SH2D1B: variants seen among roughly 807,000 people sequenced by gnomAD.
SH2D1B encodes SH2 domain containing 1B, also known as SH2 domain-containing protein 1B.
A neutral mutation model predicts 16.3 loss-of-function variants in SH2D1B; 11 were observed. The ratio of observed to expected loss-of-function variants is 0.67; its 90% CI spans 0.42 to 1.11. The LOEUF (loss-of-function observed/expected upper bound fraction) is 1.11. Ranked by LOEUF, SH2D1B falls within the 50% of genes most tolerant of loss-of-function variation. SH2D1B has a pLI of 0.00. For synonymous variants in SH2D1B, 55 were observed against 56.1 expected (o/e 0.98, Z 0.09); for missense variants, 123 against 153.1 (o/e 0.80, Z 1.04).
chr1:162,407,905 A>G (rs749013878), intron 1 of SH2D1B, among the ~76,000 whole-genome samples: 4 of 152,248 alleles, frequency 2.6e-5, no homozygotes, highest in Admixed American at 6.5e-5. Flanking sequence ...ATGGAACATA[A>G]TAAGTGCTCA....
chr1:162,402,900 T>A, intron 1 of SH2D1B, 98 bp from the exon 2 acceptor site: 1 of 985,874 alleles, frequency 1.0e-6, no homozygotes, highest in South Asian at 1.4e-5. Context: ...TAATCTACAA[T>A]CCTAAAAAAA....
At chr1:162,409,247 G>A (rs1047374037) in intron 1 of SH2D1B, among the ~76,000 whole-genome samples, 6 of 151,650 alleles carry the variant, frequency 4.0e-5, no homozygotes, top group African/African-American at 1.2e-4. Context: ...GCTCTTCACC[G>A]TCTCCCGTCC....
chr1:162,407,627 G>A (rs1057379513), intron 1 of SH2D1B, among the ~76,000 whole-genome samples: 2 of 152,222 alleles, frequency 1.3e-5, no homozygotes, highest in Non-Finnish European at 2.9e-5. Context: ...TTCTGTGTCA[G>A]TGAAGACAAG....
At position 162,405,106 on chromosome 1, in the gene SH2D1B, G is replaced by A. The variant is rs573819711; in HGVS notation, c.135-2304C>T. On this transcript the variant is annotated intron_variant, in intron 1 of 3. Transcript: ENST00000367929. ...CAATGCAAAAAAATGAACTATTGCT[G>A]CATGCAACCACATAGATGGATCTCA... Among the ~76,000 whole-genome samples the A allele has an allele frequency of 3.3e-5, 5 of 152,298 alleles. No homozygotes were observed. The Middle Eastern group carries it at 0.01, about 311-fold the overall frequency.
chr1:162,400,704 T>C (rs977580344), intron 2 of SH2D1B, among the ~76,000 whole-genome samples: 3 of 151,906 alleles, frequency 2.0e-5, no homozygotes, highest in African/African-American at 7.2e-5. Flanking sequence ...TCCCAGCCCT[T>C]TGGGAGGCCA....
chr1:162,409,693 C>G (rs1010211701), intron 1 of SH2D1B, among the ~76,000 whole-genome samples: 1 of 152,164 alleles, frequency 6.6e-6, no homozygotes, highest in Non-Finnish European at 1.5e-5. Flanking sequence ...ATTCTCATGC[C>G]TCAGCCTCCC....
chr1:162,397,147 C>T lies in SH2D1B; in HGVS notation c.*133G>A, dbSNP rs969634332. 1 of 937,420 alleles carries T rather than the reference C, an allele frequency of 1.1e-6. No homozygotes were observed. The highest frequency in any genetic ancestry group is 2.5e-5 in the East Asian group (1 of 39,624). 58.1% of individuals were successfully genotyped at this position (937,420 alleles called of 1,614,324 possible). On this transcript the variant is annotated 3_prime_UTR_variant, in exon 4 of 4. Coordinates refer to ENST00000367929, the MANE Select transcript of SH2D1B (RefSeq NM_053282.5). Reference sequence around the variant, plus strand: ...CCTCTGGTGCTGGTGGGCAGAACATCTTCAGTTACACAACCAGGAGAGTCT... The same window carrying T: ...CCTCTGGTGCTGGTGGGCAGAACATTTTCAGTTACACAACCAGGAGAGTCT...
rs1648801698 is a variant in SH2D1B, at chr1:162,411,875, C to T, written c.134+8G>A. 6.8e-6 allele frequency: 11 copies of T among 1,613,918 alleles called. No homozygotes were observed. The highest frequency in any genetic ancestry group is 9.3e-6 in the Non-Finnish European group (11 of 1,180,016). ...GATGTCAGATGTGTGCAAGATGAGG[C>T]TACTCACGAGACACAGAGGCACAGG... On this transcript the variant is annotated splice_region_variant and intron_variant, in intron 1 of 3. Transcript: ENST00000367929.
At chr1:162,406,282 C>G (rs1352940359) in intron 1 of SH2D1B, among the ~76,000 whole-genome samples, 2 of 152,168 alleles carry the variant, frequency 1.3e-5, no homozygotes, top group Non-Finnish European at 2.9e-5. Flanking sequence ...CCAAATTACA[C>G]TGAGTCCACT....
intron 2 of SH2D1B, among the ~76,000 whole-genome samples, chr1:162,400,229 C>T (rs537128244): frequency 4.0e-4 from 60 of 150,876 alleles, no homozygotes; most frequent in Non-Finnish European, 7.2e-4. Context: ...GGAATGGCAA[C>T]ACAACTCAGT....
chr1:162,398,083 G>A (rs1054946608), intron 3 of SH2D1B, among the ~76,000 whole-genome samples: 10 of 152,256 alleles, frequency 6.6e-5, no homozygotes, highest in Admixed American at 2.0e-4. Flanking sequence ...ATGAGAAGCC[G>A]GCTATGGCAG....
chr1:162,403,743 A>C (rs1361118862), intron 1 of SH2D1B, among the ~76,000 whole-genome samples: 1 of 141,792 alleles, frequency 7.1e-6, no homozygotes, highest in Non-Finnish European at 1.5e-5. Context: ...CACACACACA[A>C]TGGAATATTA....
At chr1:162,403,488 GAAAAAAAA>G (rs1172751501) in intron 1 of SH2D1B, among the ~76,000 whole-genome samples, 26 of 20,688 alleles carry the variant, frequency 1.3e-3, no homozygotes, top group Middle Eastern at 0.029. Context: ...GACTCTGTCT[GAAAAAAAA>G]AAAAAAAAAA....
Position 162,412,048 on chromosome 1 carries a change from T to A in SH2D1B, c.-32A>T. The A allele has an allele frequency of 6.2e-7, 1 of 1,612,738 alleles. No individual in the cohort carries two copies. Among genetic ancestry groups the A allele is most frequent in the Non-Finnish European group, 8.5e-7 (1 of 1,178,916 alleles). On this transcript the variant is annotated 5_prime_UTR_variant, in exon 1 of 4. Coordinates refer to ENST00000367929, the MANE Select transcript of SH2D1B (RefSeq NM_053282.5). ...CGCTCTTGTATCCCAGGAAGCCCTG[T>A]TGGCCTGAAATTCACCCCCAAGTCA...
chr1:162,411,985 G>T lies in SH2D1B; in HGVS notation c.32C>A (p.Thr11Asn), dbSNP rs1416421587. MDLPYYHGRLTKQDCETLLLK... is the reference protein window; with the variant it reads MDLPYYHGRLNKQDCETLLLK... The stretch of plus-strand genomic sequence containing the variant: ...CAGCAAGGTCTCACAGTCTTGCTTG[G>T]TCAGACGTCCATGGTAGTAAGGCAG... The change falls in exon 1 of 4, where the codon ACC (threonine) becomes AAC (asparagine). Residue 11 changes from threonine to asparagine, a missense_variant. Thr to Asn is a moderately conservative substitution (Grantham distance 65, BLOSUM62 0). Coordinates refer to ENST00000367929, the MANE Select transcript of SH2D1B (RefSeq NM_053282.5). 6.2e-6 allele frequency: 10 copies of T among 1,614,148 alleles called. No homozygotes were observed. Among genetic ancestry groups the T allele is most frequent in the Non-Finnish European group, 7.6e-6 (9 of 1,180,012 alleles).
At position 162,397,227 on chromosome 1, in the gene SH2D1B, C is replaced by G; in HGVS notation, c.*53G>C. On this transcript the variant is annotated 3_prime_UTR_variant, in exon 4 of 4. Coordinates refer to ENST00000367929, the MANE Select transcript of SH2D1B (RefSeq NM_053282.5). ...ACCTATGCCTGCAGAAGTGGGTCAT[C>G]AGTGAGAACTGTTACTCATCTCTTC... 6.2e-7 allele frequency: 1 copy of G among 1,601,536 alleles called. No homozygotes were observed. Among genetic ancestry groups the G allele is most frequent in the South Asian group, 1.1e-5 (1 of 90,810 alleles).
intron 1 of SH2D1B, among the ~76,000 whole-genome samples, chr1:162,404,924 C>A (rs958078441): frequency 6.6e-6 from 1 of 152,234 alleles, no homozygotes; most frequent in African/African-American, 2.4e-5. Flanking sequence ...ATAGAACACA[C>A]AACTTAGCTG....
intron 2 of SH2D1B, chr1:162,402,405 G>C (rs371790231): frequency 7.9e-5 from 14 of 177,704 alleles, no homozygotes; most frequent in South Asian, 6.9e-4. Context: ...CAGCTACTTG[G>C]GGGGGCGGGG....
At chr1:162,403,980 C>T (rs932582835) in intron 1 of SH2D1B, among the ~76,000 whole-genome samples, 8 of 151,986 alleles carry the variant, frequency 5.3e-5, no homozygotes, top group Non-Finnish European at 1.0e-4. Flanking sequence ...TCAAAGGATA[C>T]AAAATTTCAG....
Sources: gnomAD v4.1 joint callset for allele counts (sites outside exome capture counted in the v4.1 genomes callset) on GRCh38, gnomAD v4.1.1 for gene constraint, MANE v1.5 for transcripts, NCBI Gene and HGNC (gene_info 2026-07-23, HGNC 2026-07-21) for gene names.